The following BMAL1 variants were observed in gnomAD, a reference collection of about 807,000 sequenced individuals.
BMAL1 encodes the protein basic helix-loop-helix ARNT like 1, also known as basic helix-loop-helix ARNT-like protein 1.
At chr11:13,316,811 G>C in the BMAL1 span, among the ~76,000 whole-genome samples, 419 of 152,372 alleles carry the variant, frequency 2.7e-3, 3 homozygotes, top group African/African-American at 8.9e-3. Flanking sequence ...CCACACCCTA[G>C]GTACATTTGC....
chr11:13,303,458 T>C, the BMAL1 span, among the ~76,000 whole-genome samples: 1 of 152,168 alleles, frequency 6.6e-6, no homozygotes. Context: ...GGGAGGATTT[T>C]GAGGAGTGGT....
the BMAL1 span, chr11:13,381,054 C>T: frequency 1.7e-6 from 2 of 1,171,846 alleles, no homozygotes; most frequent in Non-Finnish European, 2.5e-6. Flanking sequence ...AAAAAGCTTG[C>T]CAAACCCTAA....
chr11:13,284,004 C>T, the BMAL1 span, among the ~76,000 whole-genome samples: 225 of 151,144 alleles, frequency 1.5e-3, 1 homozygote, highest in African/African-American at 4.9e-3. Context: ...GGGACCTTTT[C>T]AAAGGTCCCT....
the BMAL1 span, among the ~76,000 whole-genome samples, chr11:13,287,405 A>G: frequency 6.6e-6 from 1 of 152,220 alleles, no homozygotes; most frequent in Non-Finnish European, 1.5e-5. Flanking sequence ...CTTTGGAGCT[A>G]GAGGGTGGCA....
At chr11:13,372,242 A>G in the BMAL1 span, 1 of 1,614,236 alleles carries the variant, frequency 6.2e-7, no homozygotes, top group South Asian at 1.1e-5. Context: ...GGCTGGATGA[A>G]GACAACGAAC....
the BMAL1 span, among the ~76,000 whole-genome samples, chr11:13,290,301 C>T: frequency 6.6e-6 from 1 of 152,294 alleles, no homozygotes; most frequent in Admixed American, 6.5e-5. Flanking sequence ...CCATGTGAAT[C>T]TATTATCTGT....
At chr11:13,310,260 G>C in the BMAL1 span, among the ~76,000 whole-genome samples, 1 of 152,140 alleles carries the variant, frequency 6.6e-6, no homozygotes, top group Non-Finnish European at 1.5e-5. Flanking sequence ...CAGAGAGGGA[G>C]GCCAGAGGAG....
the BMAL1 span, among the ~76,000 whole-genome samples, chr11:13,278,872 C>T: frequency 1.3e-5 from 2 of 152,230 alleles, no homozygotes; most frequent in Admixed American, 6.5e-5. Flanking sequence ...TTCCCGTTTG[C>T]TTGGAAGAAG....
At chr11:13,366,441 A>G in the BMAL1 span, among the ~76,000 whole-genome samples, 1 of 152,190 alleles carries the variant, frequency 6.6e-6, no homozygotes, top group Admixed American at 6.5e-5. Flanking sequence ...AACTGTTTAT[A>G]TAATTGAGGG....
At chr11:13,335,845 A>G in the BMAL1 span, among the ~76,000 whole-genome samples, 1 of 152,252 alleles carries the variant, frequency 6.6e-6, no homozygotes, top group Non-Finnish European at 1.5e-5. Flanking sequence ...ATTTTTAACT[A>G]TATTTCCTTT....
chr11:13,356,295 C>T, the BMAL1 span: 1 of 459,390 alleles, frequency 2.2e-6, no homozygotes, highest in Non-Finnish European at 4.4e-6. Context: ...CCCTTCCCTG[C>T]CAAATAGATA....
chr11:13,279,654 T>A, the BMAL1 span, among the ~76,000 whole-genome samples: 1 of 152,226 alleles, frequency 6.6e-6, no homozygotes, highest in Non-Finnish European at 1.5e-5. Flanking sequence ...AATACAAAAT[T>A]CAGTCTTTCA....
At chr11:13,382,332 T>C in the BMAL1 span, among the ~76,000 whole-genome samples, 1 of 152,224 alleles carries the variant, frequency 6.6e-6, no homozygotes, top group African/African-American at 2.4e-5. Context: ...TGCCATGTGC[T>C]AGTTATGTGA....
chr11:13,284,174 ATATGTGTATATATATATATG>A, the BMAL1 span, among the ~76,000 whole-genome samples: 3 of 35,984 alleles, frequency 8.3e-5, no homozygotes, highest in African/African-American at 2.6e-4. Context: ...GTATATATAT[ATATGTGTATATATATATATG>A]TGTGTATATA....
chr11:13,376,244 G>T, the BMAL1 span, among the ~76,000 whole-genome samples: 1 of 152,166 alleles, frequency 6.6e-6, no homozygotes, highest in African/African-American at 2.4e-5. Context: ...GGAGGTGAAG[G>T]AGCCTCTCTT....
the BMAL1 span, chr11:13,378,270 C>T: frequency 6.7e-7 from 1 of 1,489,670 alleles, no homozygotes; most frequent in Non-Finnish European, 8.9e-7. Context: ...ACTGGTTTTA[C>T]TTTAATACAT....
At chr11:13,284,255 TA>T in the BMAL1 span, among the ~76,000 whole-genome samples, 193 of 39,832 alleles carry the variant, frequency 4.8e-3, 20 homozygotes, top group South Asian at 0.017. Flanking sequence ...TATATATATA[TA>T]TATATATATA....
At chr11:13,298,013 C>G in the BMAL1 span, among the ~76,000 whole-genome samples, 1 of 152,146 alleles carries the variant, frequency 6.6e-6, no homozygotes, top group Admixed American at 6.5e-5. Flanking sequence ...GCTTCCTGTC[C>G]CAGTCAGAGG....
chr11:13,308,382 G>T, the BMAL1 span, among the ~76,000 whole-genome samples: 1 of 152,190 alleles, frequency 6.6e-6, no homozygotes, highest in Non-Finnish European at 1.5e-5. Context: ...TCCAGGCTTG[G>T]AGAGAAATCT....
Sources: gnomAD v4.1 joint callset for allele counts (sites outside exome capture counted in the v4.1 genomes callset) on GRCh38, gnomAD v4.1.1 for gene constraint, MANE v1.5 for transcripts, NCBI Gene and HGNC (gene_info 2026-07-23, HGNC 2026-07-21) for gene names.